ESRRG: variants seen among roughly 807,000 people sequenced by gnomAD.
The protein encoded by ESRRG is estrogen-related receptor gamma.
A neutral mutation model predicts 44.0 loss-of-function variants in ESRRG; 13 were observed. That is an observed-to-expected ratio of 0.30 (90% CI 0.19 to 0.47). The LOEUF is 0.47. Among genes scored for constraint, ESRRG ranks in the 20% least tolerant of loss-of-function variants. ESRRG has a pLI of 1.00. For synonymous variants in ESRRG, 215 were observed against 214.6 expected, an observed-to-expected ratio of 1.00 and a Z score of -0.02; for missense variants, 395 against 580.6, an observed-to-expected ratio of 0.68 and a Z score of 3.29.
intron 3 of ESRRG, among the ~76,000 whole-genome samples, chr1:216,583,430 T>C (rs779455991): frequency 3.3e-5 from 5 of 152,238 alleles, no homozygotes; most frequent in Non-Finnish European, 7.3e-5. Context: ...ACAAAGCCTC[T>C]CATCTCTGCT....
intron 5 of ESRRG, among the ~76,000 whole-genome samples, chr1:216,527,098 A>T (rs1206332688): frequency 6.6e-6 from 1 of 152,216 alleles, no homozygotes; most frequent in African/African-American, 2.4e-5. Context: ...TTGTCATCTA[A>T]GATTTTATAG....
intron 1 of ESRRG, among the ~76,000 whole-genome samples, chr1:216,964,352 C>T (rs984467157): frequency 6.6e-6 from 1 of 152,096 alleles, no homozygotes; most frequent in Non-Finnish European, 1.5e-5. Context: ...TGGCTGCCTC[C>T]TTAAGTCACA....
At chr1:216,540,527 T>C (rs1239951035) in intron 5 of ESRRG, among the ~76,000 whole-genome samples, 3 of 152,040 alleles carry the variant, frequency 2.0e-5, no homozygotes, top group Non-Finnish European at 2.9e-5. Flanking sequence ...GTCAATATTA[T>C]GTTTAAAGTA....
intron 3 of ESRRG, among the ~76,000 whole-genome samples, chr1:216,626,000 G>A (rs1258741055): frequency 1.3e-5 from 2 of 152,052 alleles, no homozygotes; most frequent in Admixed American, 1.3e-4. Flanking sequence ...TCCAGTTGGA[G>A]GAAAGAGTTG....
upstream of ESRRG, among the ~76,000 whole-genome samples, chr1:217,092,986 G>GGGGT (rs2092370816): frequency 6.6e-6 from 1 of 151,934 alleles, no homozygotes; most frequent in Admixed American, 6.6e-5. Context: ...CTTCATATGG[G>GGGGT]GAGTGAGGTG....
chr1:217,002,275 C>A (rs1281198321), intron 1 of ESRRG, among the ~76,000 whole-genome samples: 2 of 144,952 alleles, frequency 1.4e-5, no homozygotes, highest in African/African-American at 5.1e-5. Flanking sequence ...GCACTCCAGC[C>A]TGGGCATCAG....
intron 1 of ESRRG, among the ~76,000 whole-genome samples, chr1:217,031,916 C>A (rs2082125656): frequency 6.6e-6 from 1 of 152,166 alleles, no homozygotes. Flanking sequence ...AATTAAAACT[C>A]TTTTCTTTAT....
chr1:217,057,943 G>GA (rs2087488201), intron 1 of ESRRG, among the ~76,000 whole-genome samples: 1 of 151,970 alleles, frequency 6.6e-6, no homozygotes, highest in South Asian at 2.1e-4. Flanking sequence ...TGAATTAAGA[G>GA]AAAAAATAAT....
chr1:216,570,815 A>G (rs1213725423), intron 3 of ESRRG, among the ~76,000 whole-genome samples: 1 of 152,208 alleles, frequency 6.6e-6, no homozygotes, highest in Non-Finnish European at 1.5e-5. Context: ...AGCTGACAGA[A>G]TAAATCTTGA....
At chr1:216,940,779 G>A (rs1211151521) in intron 1 of ESRRG, among the ~76,000 whole-genome samples, 3 of 152,210 alleles carry the variant, frequency 2.0e-5, no homozygotes, top group Admixed American at 6.5e-5. Flanking sequence ...CAAGAATGAG[G>A]TTAAAAGTAA....
chr1:216,523,135 T>C (rs995811454), intron 5 of ESRRG, among the ~76,000 whole-genome samples: 1 of 152,296 alleles, frequency 6.6e-6, no homozygotes, highest in South Asian at 2.1e-4. Flanking sequence ...CCATGGCACA[T>C]TTTTTCTTCC....
At chr1:216,812,404 A>G (rs1184796641) in intron 2 of ESRRG, among the ~76,000 whole-genome samples, 4 of 152,090 alleles carry the variant, frequency 2.6e-5, no homozygotes, top group East Asian at 3.9e-4. Context: ...TAATTTTTCT[A>G]TTTACTTATT....
At chr1:216,878,668 T>G (rs2096395275) in intron 2 of ESRRG, among the ~76,000 whole-genome samples, 1 of 152,230 alleles carries the variant, frequency 6.6e-6, no homozygotes, top group South Asian at 2.1e-4. Context: ...TTTTCCCCGT[T>G]AATTTTTTGG....
intron 1 of ESRRG, among the ~76,000 whole-genome samples, chr1:216,687,778 C>A (rs542221079): frequency 6.6e-6 from 1 of 152,318 alleles, no homozygotes; most frequent in East Asian, 1.9e-4. Flanking sequence ...GCCAACAGAA[C>A]AGATATTTCT....
chr1:217,039,432 A>T (rs1372530040), intron 1 of ESRRG, among the ~76,000 whole-genome samples: 1 of 152,200 alleles, frequency 6.6e-6, no homozygotes, highest in African/African-American at 2.4e-5. Context: ...AGGCCTCACA[A>T]TCATGGCATA....
chr1:216,910,611 GAC>G (rs1162647601), intron 2 of ESRRG, among the ~76,000 whole-genome samples: 1 of 152,116 alleles, frequency 6.6e-6, no homozygotes, highest in Non-Finnish European at 1.5e-5. Context: ...TAATAAATAG[GAC>G]ACTATTGAAT....
chr1:216,667,745 T>C (rs1481956927), intron 2 of ESRRG, among the ~76,000 whole-genome samples: 1 of 143,698 alleles, frequency 7.0e-6, no homozygotes, highest in Non-Finnish European at 1.5e-5. Flanking sequence ...AAAAAGCTTA[T>C]CCCTTTATTA....
intron 3 of ESRRG, among the ~76,000 whole-genome samples, chr1:216,610,455 A>T (rs1443991604): frequency 1.3e-5 from 2 of 152,086 alleles, no homozygotes; most frequent in Admixed American, 6.6e-5. Context: ...CATTTGACTT[A>T]GCTTTAGCGT....
intron 1 of ESRRG, among the ~76,000 whole-genome samples, chr1:217,099,959 G>A (rs548273992): frequency 8.0e-5 from 12 of 149,632 alleles, no homozygotes; most frequent in African/African-American, 2.0e-4. Flanking sequence ...TGAATGCTCC[G>A]TTCCGTTACA....
Sources: gnomAD v4.1 joint callset for allele counts (sites outside exome capture counted in the v4.1 genomes callset) on GRCh38, gnomAD v4.1.1 for gene constraint, MANE v1.5 for transcripts, NCBI Gene and HGNC (gene_info 2026-07-23, HGNC 2026-07-21) for gene names.